ACOT9: variants seen among roughly 807,000 people sequenced by gnomAD.
The protein encoded by ACOT9 is acyl-coenzyme A thioesterase 9, mitochondrial.
Under a neutral mutation model 39.7 loss-of-function variants are expected in ACOT9, and 34 were observed. That is an observed-to-expected ratio of 0.86 (90% CI 0.65 to 1.14). The LOEUF (loss-of-function observed/expected upper bound fraction) is 1.14, where lower values mean the gene tolerates loss of function less well. Ranked by LOEUF, ACOT9 falls within the 50% of genes most tolerant of loss-of-function variation. ACOT9 has a pLI of 0.00. For missense variants in ACOT9, 313 were observed against 344.1 expected (o/e 0.91, Z 0.71); for synonymous variants, 110 against 120.5 (o/e 0.91, Z 0.57).
intron 2 of ACOT9, among the ~76,000 whole-genome samples, chrX:23,735,520 G>A (rs923612995): frequency 9.0e-6 from 1 of 111,220 alleles, no homozygotes; most frequent in African/African-American, 3.3e-5. Context: ...CATAGTTTAC[G>A]TATCATATTG....
chrX:23,735,240 CAAAAAAAAAAAAAA>C (rs35950361), intron 2 of ACOT9, among the ~76,000 whole-genome samples: 16 of 29,164 alleles, frequency 5.5e-4, no homozygotes, highest in African/African-American at 1.8e-3. Flanking sequence ...GACTCCATCC[CAAAAAAAAAAAAAA>C]AAAAAAAAAA....
intron 1 of ACOT9, among the ~76,000 whole-genome samples, chrX:23,742,276 G>T (rs1295100921): frequency 5.0e-5 from 5 of 100,960 alleles, no homozygotes; most frequent in African/African-American, 1.5e-4. Context: ...ACCCCCAAGA[G>T]AATTGATGGG....
chrX:23,725,470 C>CAAAAAAAAA (rs34682904), intron 6 of ACOT9, among the ~76,000 whole-genome samples: 3 of 48,925 alleles, frequency 6.1e-5, no homozygotes, highest in Admixed American at 3.0e-4. Context: ...GACTCTGTCT[C>CAAAAAAAAA]AAAAAAAAAA....
Position 23,724,841 on chromosome X carries a change from G to C in ACOT9, c.401-2088C>G, listed in dbSNP as rs188317232. On this transcript the variant is annotated intron_variant, in intron 6 of 15. Transcript: ENST00000379303. ...AGTCCCAGCTACTCAGGAGGCTGAG[G>C]CAGAAGGAACACTTGAGCCCGCAAG... Among the ~76,000 whole-genome samples the C allele has an allele frequency of 3.6e-5, 4 of 111,605 alleles. No individual in the cohort carries two copies. In the Admixed American group the frequency reaches 3.9e-4, roughly 11 times the overall value.
At chrX:23,732,108 G>T (rs1238998980) in intron 4 of ACOT9, among the ~76,000 whole-genome samples, 2 of 112,009 alleles carry the variant, frequency 1.8e-5, no homozygotes, top group African/African-American at 3.2e-5. Flanking sequence ...AAGAATAGGG[G>T]AAGGACGACT....
In ACOT9 at chrX:23,721,872, C is replaced by T; in HGVS notation, c.588+9G>A. 1.7e-6 allele frequency: 2 copies of T among 1,191,444 alleles called. No homozygotes were observed. The highest frequency in any genetic ancestry group is 2.3e-6 in the Non-Finnish European group (2 of 878,485). ...TTAAACAGTGGACAATCTTCAGGCGCATATTTACCTGGAACATTTGCATCT... is the reference window on the plus strand; with the variant it reads ...TTAAACAGTGGACAATCTTCAGGCGTATATTTACCTGGAACATTTGCATCT... On this transcript the variant is annotated intron_variant, in intron 8 of 15. Transcript: ENST00000379303.
At position 23,741,967 on chromosome X, in the gene ACOT9, AC is replaced by A. The variant is rs779142867; in HGVS notation, c.20+1157del. Among the ~76,000 whole-genome samples the A allele has an allele frequency of 2.9e-3, 319 of 110,269 alleles. 2 individuals carry two copies. The highest frequency in any genetic ancestry group is 3.9e-3 in the Non-Finnish European group (204 of 52,887). ...TGGGACTGCAGTCGTGCACCACCAC[AC>A]CCGGCCTCAATAGAATTTTCAAGAA... On this transcript the variant is annotated intron_variant, in intron 1 of 15. Transcript: ENST00000379303.
intron 6 of ACOT9, among the ~76,000 whole-genome samples, chrX:23,725,877 T>G (rs1258953898): frequency 2.7e-5 from 3 of 109,572 alleles, no homozygotes; most frequent in African/African-American, 1.0e-4. Context: ...TTAAAATGCC[T>G]TAAAATTTAA....
In ACOT9 at chrX:23,713,701, G is replaced by C. The variant is rs368487687; in HGVS notation, c.589-493C>G. 9.3e-4 allele frequency among the ~76,000 whole-genome samples: 103 copies of C among 110,545 alleles called. No individual in the cohort carries two copies. The Middle Eastern group carries it at 0.014, about 15-fold the overall frequency. ...GCTCTCAGAATGGCAGGATGACAAA[G>C]GAGCCCGTGGCCTAGCAGAGGAGAA... On this transcript the variant is annotated intron_variant, in intron 8 of 15. Coordinates refer to ENST00000379303, the MANE Select transcript of ACOT9 (RefSeq NM_001037171.2).
At chrX:23,714,872 C>G (rs1569191953) in intron 8 of ACOT9, among the ~76,000 whole-genome samples, 3 of 111,372 alleles carry the variant, frequency 2.7e-5, no homozygotes, top group Non-Finnish European at 5.7e-5. Flanking sequence ...GCCTCAGCCT[C>G]CCAAAATGCT....
intron 1 of ACOT9, among the ~76,000 whole-genome samples, chrX:23,736,704 A>C (rs1233654932): frequency 2.7e-5 from 3 of 110,699 alleles, no homozygotes; most frequent in Non-Finnish European, 3.8e-5. Flanking sequence ...CTGTGGTCCC[A>C]GCTACTCAAG....
chrX:23,717,711 A>T (rs932506899), intron 8 of ACOT9, among the ~76,000 whole-genome samples: 1 of 111,798 alleles, frequency 8.9e-6, no homozygotes, highest in Non-Finnish European at 1.9e-5. Flanking sequence ...GGAGAAATAT[A>T]AGGAGCACTC....
rs747602291 is a variant in ACOT9, at chrX:23,730,947, A to C, written c.231T>G (p.His77Gln). 1 of 1,210,808 alleles carries C rather than the reference A, an allele frequency of 8.3e-7. No homozygotes were observed. The highest frequency in any genetic ancestry group is 1.7e-5 in the African/African-American group (1 of 57,897). Reference sequence around the variant, plus strand: ...CATCCTGTGATTTAGCCAAGAAACTATGAAGTAATTTCCTTTCTTCCATTG... The same window carrying C: ...CATCCTGTGATTTAGCCAAGAAACTCTGAAGTAATTTCCTTTCTTCCATTG... ...VKAMEERKLL[H>Q]SFLAKSQDGL... is the part of the protein sequence containing the mutation. The change falls in exon 5 of 16, where the codon CAT (histidine) becomes CAG (glutamine). Residue 77 changes from histidine (H) to glutamine (Q), a missense_variant. His to Gln is a conservative substitution (Grantham distance 24, BLOSUM62 0). Transcript: ENST00000379303.
rs375089918 is a variant in ACOT9 at position 23,734,370 on chromosome X, A to G, written c.119-3T>C. On this transcript the variant is annotated splice_polypyrimidine_tract_variant and splice_region_variant and intron_variant, in intron 2 of 15. Coordinates refer to ENST00000379303, the MANE Select transcript of ACOT9 (RefSeq NM_001037171.2). ...ATTCACATGTATAGATGAACATGCTATATGAATAAAGGGAAAATCAATTAG... is the reference window on the plus strand; with the variant it reads ...ATTCACATGTATAGATGAACATGCTGTATGAATAAAGGGAAAATCAATTAG... The G allele has an allele frequency of 5.9e-6, 7 of 1,179,211 alleles. No individual in the cohort carries two copies. The highest frequency in any genetic ancestry group is 5.3e-5 in the African/African-American group (3 of 56,502).
chrX:23,706,093 C>G (rs1006107035), intron 11 of ACOT9, among the ~76,000 whole-genome samples: 1 of 110,613 alleles, frequency 9.0e-6, no homozygotes, highest in Non-Finnish European at 1.9e-5. Context: ...GGTGAAACCC[C>G]GTCTCTACTA....
At chrX:23,722,240 G>C (rs1601813193) in intron 7 of ACOT9, among the ~76,000 whole-genome samples, 1 of 111,759 alleles carries the variant, frequency 8.9e-6, no homozygotes, top group East Asian at 2.8e-4. Context: ...CAGCATTCTA[G>C]ACATTTTCAT....
intron 1 of ACOT9, among the ~76,000 whole-genome samples, chrX:23,741,667 G>A (rs1042877470): frequency 6.3e-5 from 7 of 111,907 alleles, no homozygotes; most frequent in African/African-American, 2.3e-4. Context: ...GAGATTATCC[G>A]CTTAAGGTTC....
intron 1 of ACOT9, among the ~76,000 whole-genome samples, chrX:23,740,653 C>A (rs1772553125): frequency 1.9e-5 from 2 of 107,069 alleles, no homozygotes; most frequent in African/African-American, 3.4e-5. Context: ...TCCCCCAGTG[C>A]CAGTCAACAG....
intron 8 of ACOT9, among the ~76,000 whole-genome samples, chrX:23,716,713 G>A (rs755300949): frequency 9.0e-6 from 1 of 111,390 alleles, no homozygotes; most frequent in Non-Finnish European, 1.9e-5. Flanking sequence ...TTGAGATGGG[G>A]TCTCACTCTG....
Sources: gnomAD v4.1 joint callset for allele counts (sites outside exome capture counted in the v4.1 genomes callset) on GRCh38, gnomAD v4.1.1 for gene constraint, MANE v1.5 for transcripts, NCBI Gene and HGNC (gene_info 2026-07-23, HGNC 2026-07-21) for gene names.